GALM: variants seen among roughly 807,000 people sequenced by gnomAD.
GALM encodes aldose 1-epimerase.
In GALM, 43 loss-of-function variants were observed where a neutral mutation model predicts 37.4. The ratio of observed to expected loss-of-function variants is 1.15; its 90% confidence interval spans 0.90 to 1.48. The LOEUF (loss-of-function observed/expected upper bound fraction) is 1.48. Ranked by LOEUF, GALM falls within the 40% of genes most tolerant of loss-of-function variation. The pLI is 0.00. For synonymous variants in GALM, 199 were observed against 170.6 expected (o/e 1.17, Z -1.30); for missense variants, 456 against 419.1 (o/e 1.09, Z -0.77).
At chr2:38,720,914 TCA>T (rs1666365750) in intron 4 of GALM, among the ~76,000 whole-genome samples, 1 of 152,164 alleles carries the variant, frequency 6.6e-6, no homozygotes, top group Non-Finnish European at 1.5e-5. Context: ...GCTGCAGAAA[TCA>T]CACAGCATTA....
rs1280238828 is a variant in GALM, at chr2:38,703,073, TATATATATATATATATATA to T, written c.634+13180_634+13198del. Among the ~76,000 whole-genome samples the T allele has an allele frequency of 4.2e-3, 27 of 6,446 alleles. 1 individual carries two copies. The highest frequency in any genetic ancestry group is 8.6e-3 in the African/African-American group (24 of 2,784). 4.2% of individuals were successfully genotyped at this position (6,446 alleles called of 152,430 possible). ...GGGATTTTATATATATATATATATA[TATATATATATATATATATA>T]TTTTTTTTTTTTTTTTTTTTTTTTT... On this transcript the variant is annotated intron_variant, in intron 4 of 6. Coordinates refer to ENST00000272252, the MANE Select transcript of GALM (RefSeq NM_138801.3).
intron 4 of GALM, among the ~76,000 whole-genome samples, chr2:38,698,763 C>T (rs1016409589): frequency 6.6e-6 from 1 of 152,150 alleles, no homozygotes; most frequent in Non-Finnish European, 1.5e-5. Context: ...GCTGCTTTGT[C>T]AGACATTTGT....
chr2:38,726,461 C>G (rs1329854925), intron 4 of GALM, among the ~76,000 whole-genome samples: 1 of 151,224 alleles, frequency 6.6e-6, no homozygotes, highest in East Asian at 2.0e-4. Flanking sequence ...CTCCTGACCT[C>G]GTGATCCGCC....
chr2:38,667,754 T>G (rs1413285211), intron 1 of GALM, among the ~76,000 whole-genome samples: 2 of 151,748 alleles, frequency 1.3e-5, no homozygotes, highest in Non-Finnish European at 2.9e-5. Context: ...GGAGAATCAC[T>G]TGAATCTGGG....
chr2:38,717,306 AGTGTGTGTGTGTGTGTGTGTGTGTGT>A lies in GALM; in HGVS notation c.635-12235_635-12210del, dbSNP rs56902027. 9.0e-5 allele frequency among the ~76,000 whole-genome samples: 13 copies of A among 143,750 alleles called. No individual in the cohort carries two copies. In the South Asian group the frequency reaches 1.6e-3, roughly 17 times the overall value. The allele number at this position is 143,750 out of a possible 152,430, so 94.3% of individuals were successfully genotyped here. A position where few individuals can be genotyped will look rare whatever the true frequency, so the allele number is the denominator to read the frequency against. ...TAATACCTGGTCTCTGTATTAAGGG[AGTGTGTGTGTGTGTGTGTGTGTGTGT>A]GTGTGTGTGTGTGTATAAAAGAGAG... On this transcript the variant is annotated intron_variant, in intron 4 of 6. Coordinates refer to ENST00000272252, the MANE Select transcript of GALM (RefSeq NM_138801.3).
At chr2:38,689,983 T>G in intron 4 of GALM, 89 bp downstream of exon 4, 1 of 729,422 alleles carries the variant, frequency 1.4e-6, no homozygotes, top group Non-Finnish European at 2.4e-6. Context: ...AGCGGTGAAA[T>G]CTTAATAAAG....
chr2:38,673,666 C>A (rs943979591), intron 1 of GALM, among the ~76,000 whole-genome samples: 1 of 151,934 alleles, frequency 6.6e-6, no homozygotes, highest in Non-Finnish European at 1.5e-5. Context: ...AAAAATAAGC[C>A]GGGCATGGTG....
At chr2:38,683,009 T>A (rs1401672379) in intron 3 of GALM, among the ~76,000 whole-genome samples, 1 of 151,644 alleles carries the variant, frequency 6.6e-6, no homozygotes, top group Admixed American at 6.6e-5. Flanking sequence ...ACGACAGAAA[T>A]AGAAGAAAGT....
At chr2:38,705,613 G>T (rs528844828) in intron 4 of GALM, among the ~76,000 whole-genome samples, 14 of 152,318 alleles carry the variant, frequency 9.2e-5, no homozygotes, top group Admixed American at 4.6e-4. Flanking sequence ...GAATGCAGGA[G>T]TGGTGATGAC....
chr2:38,695,096 T>C (rs1232592777), intron 4 of GALM, among the ~76,000 whole-genome samples: 3 of 151,978 alleles, frequency 2.0e-5, no homozygotes, highest in African/African-American at 4.8e-5. Context: ...GTCATCTCTG[T>C]TGAAAATGAT....
At chr2:38,687,564 G>C (rs1665567333) in intron 3 of GALM, among the ~76,000 whole-genome samples, 1 of 151,870 alleles carries the variant, frequency 6.6e-6, no homozygotes, top group Non-Finnish European at 1.5e-5. Context: ...ACAAAAATTA[G>C]CCTAGCATGG....
intron 4 of GALM, among the ~76,000 whole-genome samples, chr2:38,720,834 G>A (rs1666361623): frequency 6.6e-6 from 1 of 152,194 alleles, no homozygotes; most frequent in South Asian, 2.1e-4. Flanking sequence ...ACAGTATGGT[G>A]GCAGGGCTCC....
intron 4 of GALM, among the ~76,000 whole-genome samples, chr2:38,693,489 A>C (rs1665731183): frequency 1.3e-5 from 2 of 151,972 alleles, no homozygotes; most frequent in Admixed American, 6.6e-5. Flanking sequence ...CTTCCAAAAA[A>C]AAAAAAAAAA....
At chr2:38,711,815 T>TCAC (rs1666172774) in intron 4 of GALM, among the ~76,000 whole-genome samples, 5 of 62,202 alleles carry the variant, frequency 8.0e-5, no homozygotes, top group Admixed American at 1.5e-4. Context: ...ACCATCATCA[T>TCAC]CATCACTATC....
intron 4 of GALM, among the ~76,000 whole-genome samples, chr2:38,708,460 G>A (rs980425475): frequency 2.6e-5 from 4 of 151,926 alleles, no homozygotes; most frequent in Admixed American, 6.6e-5. Flanking sequence ...AAGTGCTGTC[G>A]CCTGGGCACA....
intron 4 of GALM, among the ~76,000 whole-genome samples, chr2:38,709,878 AT>A (rs1221696401): frequency 1.3e-5 from 2 of 152,198 alleles, no homozygotes; most frequent in Non-Finnish European, 2.9e-5. Flanking sequence ...ACCTGTGCCC[AT>A]GAGCCCCTTT....
chr2:38,727,243 G>A (rs543577323), intron 4 of GALM, among the ~76,000 whole-genome samples: 7 of 150,564 alleles, frequency 4.6e-5, no homozygotes, highest in Non-Finnish European at 8.9e-5. Context: ...AAAGAGCAAG[G>A]AATCCTTTGT....
At chr2:38,726,535 A>G (rs1326268544) in intron 4 of GALM, among the ~76,000 whole-genome samples, 1 of 151,996 alleles carries the variant, frequency 6.6e-6, no homozygotes, top group Non-Finnish European at 1.5e-5. Context: ...CAAGTCTCTC[A>G]CATTTAATCC....
At chr2:38,667,386 G>A (rs7574493) in intron 1 of GALM, among the ~76,000 whole-genome samples, 36,210 of 151,776 alleles carry the variant, frequency 0.24, 6,417 homozygotes, top group African/African-American at 0.49. Flanking sequence ...TGGCCAGCAT[G>A]GTGAAACCCT....
Sources: allele counts gnomAD v4.1 joint callset (sites outside exome capture counted in the v4.1 genomes callset), GRCh38; gene constraint gnomAD v4.1.1; transcripts MANE v1.5; gene names NCBI Gene and HGNC (gene_info 2026-07-23, HGNC 2026-07-21).